Variants in HS3ST4 observed in about 807,000 individuals in gnomAD.
The protein encoded by HS3ST4 is heparan sulfate-glucosamine 3-sulfotransferase 4.
Under a neutral mutation model 29.2 loss-of-function variants are expected in HS3ST4, and 17 were observed. The ratio of observed to expected loss-of-function variants is 0.58; its 90% CI spans 0.40 to 0.87. HS3ST4 has a LOEUF of 0.87. HS3ST4 is among the 40% of genes least tolerant of loss of function. The pLI is 0.00. For synonymous variants in HS3ST4, 314 were observed against 285.7 expected (o/e 1.10, Z -1.00); for missense variants, 627 against 634.5 (o/e 0.99, Z 0.13).
intron 1 of HS3ST4, among the ~76,000 whole-genome samples, chr16:26,070,422 CT>C (rs756137035): frequency 2.0e-5 from 3 of 152,174 alleles, no homozygotes; most frequent in Non-Finnish European, 4.4e-5. Flanking sequence ...CAGAACAAGC[CT>C]AGCTGAAATC....
chr16:25,758,188 T>A (rs1293987141), intron 1 of HS3ST4, among the ~76,000 whole-genome samples: 1 of 152,204 alleles, frequency 6.6e-6, no homozygotes, highest in African/African-American at 2.4e-5. Flanking sequence ...GAAGAGGTGC[T>A]TCCTGCTTCT....
At chr16:25,747,364 C>T (rs745856222) in intron 1 of HS3ST4, among the ~76,000 whole-genome samples, 7 of 152,192 alleles carry the variant, frequency 4.6e-5, no homozygotes, top group Non-Finnish European at 1.0e-4. Context: ...GTGGACAGCT[C>T]CCCAGGCAAA....
chr16:25,999,853 TTA>T (rs1312347226), intron 1 of HS3ST4, among the ~76,000 whole-genome samples: 3,947 of 134,184 alleles, frequency 0.029, 241 homozygotes, highest in African/African-American at 0.11. Context: ...TTTATATATA[TTA>T]TATATATATT....
intron 1 of HS3ST4, among the ~76,000 whole-genome samples, chr16:25,920,600 C>CA (rs1032951994): frequency 1.5e-5 from 2 of 131,272 alleles, no homozygotes; most frequent in Non-Finnish European, 3.0e-5. Context: ...ACTGCCGCCC[C>CA]CACCCCTCTT....
intron 1 of HS3ST4, among the ~76,000 whole-genome samples, chr16:26,088,012 A>G (rs1898810265): frequency 6.6e-6 from 1 of 152,198 alleles, no homozygotes; most frequent in Non-Finnish European, 1.5e-5. Context: ...AAAGCTTGCA[A>G]TGATTTTCTA....
At chr16:25,986,713 G>T (rs911564582) in intron 1 of HS3ST4, among the ~76,000 whole-genome samples, 2 of 152,206 alleles carry the variant, frequency 1.3e-5, no homozygotes, top group Non-Finnish European at 2.9e-5. Flanking sequence ...AATTTTTATG[G>T]AGAAGAATTC....
At chr16:25,723,357 T>C (rs1401377269) in intron 1 of HS3ST4, among the ~76,000 whole-genome samples, 1 of 152,266 alleles carries the variant, frequency 6.6e-6, no homozygotes, top group African/African-American at 2.4e-5. Flanking sequence ...ACCAGCTATG[T>C]ATGTTCCTTT....
chr16:25,766,859 A>G (rs576505354), intron 1 of HS3ST4, among the ~76,000 whole-genome samples: 1 of 152,264 alleles, frequency 6.6e-6, no homozygotes, highest in South Asian at 2.1e-4. Context: ...TGTCATCTCC[A>G]TTTTAAAGAT....
In HS3ST4 at chr16:26,128,302, A is replaced by G. The variant is rs1489906152; in HGVS notation, c.735-7310A>G. 3.9e-5 allele frequency among the ~76,000 whole-genome samples: 6 copies of G among 152,324 alleles called. No homozygotes were observed. The East Asian group carries it at 1.2e-3, about 29-fold the overall frequency. ...ACCATGCCTGCTTTATCATCAACAT[A>G]TACCCCATAGTTGGTACGTAATAAG... is the stretch of plus-strand genomic sequence containing the variant. On this transcript the variant is annotated intron_variant, in intron 1 of 1. Coordinates refer to ENST00000331351, the MANE Select transcript of HS3ST4 (RefSeq NM_006040.3).
intron 1 of HS3ST4, among the ~76,000 whole-genome samples, chr16:26,018,187 G>A (rs933027332): frequency 1.1e-4 from 16 of 152,178 alleles, no homozygotes; most frequent in African/African-American, 3.4e-4. Flanking sequence ...CCCAGCACAG[G>A]ACCTCATCCA....
chr16:26,054,738 G>A (rs769797446), intron 1 of HS3ST4, among the ~76,000 whole-genome samples: 3 of 152,090 alleles, frequency 2.0e-5, no homozygotes, highest in Non-Finnish European at 4.4e-5. Flanking sequence ...GTGGCTATGG[G>A]TTCCACCAAC....
intron 1 of HS3ST4, among the ~76,000 whole-genome samples, chr16:26,038,434 T>C (rs1481345300): frequency 6.6e-6 from 1 of 152,124 alleles, no homozygotes; most frequent in African/African-American, 2.4e-5. Flanking sequence ...CCTGTGTCTG[T>C]TTCCCCACTA....
At chr16:26,121,937 A>C (rs1002878876) in intron 1 of HS3ST4, among the ~76,000 whole-genome samples, 2 of 152,200 alleles carry the variant, frequency 1.3e-5, no homozygotes, top group African/African-American at 4.8e-5. Context: ...AATTTGTTCC[A>C]TAATCTTGTT....
intron 1 of HS3ST4, among the ~76,000 whole-genome samples, chr16:25,908,535 G>A (rs1045800568): frequency 7.2e-5 from 11 of 152,170 alleles, no homozygotes; most frequent in Admixed American, 6.5e-5. Flanking sequence ...CCCTAAAGGT[G>A]AGGTCGAATA....
chr16:26,069,288 A>G (rs1305446198), intron 1 of HS3ST4, among the ~76,000 whole-genome samples: 1 of 152,194 alleles, frequency 6.6e-6, no homozygotes, highest in East Asian at 1.9e-4. Flanking sequence ...GCCTCTTCCA[A>G]CAAGAAATGG....
intron 1 of HS3ST4, among the ~76,000 whole-genome samples, chr16:25,839,257 T>C (rs1238061131): frequency 6.6e-6 from 1 of 152,196 alleles, no homozygotes; most frequent in African/African-American, 2.4e-5. Flanking sequence ...TTTGGGAAGA[T>C]GTATCTGATT....
At chr16:26,120,045 T>C (rs1596688242) in intron 1 of HS3ST4, among the ~76,000 whole-genome samples, 1 of 136,710 alleles carries the variant, frequency 7.3e-6, no homozygotes, top group East Asian at 2.1e-4. Flanking sequence ...TGGGAAGAGC[T>C]GAAGGAAGTG....
intron 1 of HS3ST4, among the ~76,000 whole-genome samples, chr16:26,038,972 T>C (rs111608449): frequency 0.087 from 13,216 of 152,038 alleles, 1,086 homozygotes; most frequent in African/African-American, 0.22. Context: ...CATGAGCCAC[T>C]GCACCCAGCC....
At chr16:26,081,911 T>TC (rs1898729872) in intron 1 of HS3ST4, among the ~76,000 whole-genome samples, 1 of 147,050 alleles carries the variant, frequency 6.8e-6, no homozygotes, top group Non-Finnish European at 1.5e-5. Context: ...TTTTCCTGCC[T>TC]CAGCCTCCCG....
Sources: gnomAD v4.1 joint callset for allele counts (sites outside exome capture counted in the v4.1 genomes callset) on GRCh38, gnomAD v4.1.1 for gene constraint, MANE v1.5 for transcripts, NCBI Gene and HGNC (gene_info 2026-07-23, HGNC 2026-07-21) for gene names.